Variants in PDE3A observed in about 807,000 individuals in gnomAD.
PDE3A encodes the protein cGMP-inhibited 3',5'-cyclic phosphodiesterase 3A.
In PDE3A, 43 loss-of-function variants were observed where a neutral mutation model predicts 98.3. The observed-to-expected ratio is 0.44, with a 90% CI of 0.34 to 0.56. The LOEUF (loss-of-function observed/expected upper bound fraction) is 0.56. Ranked by LOEUF, PDE3A falls within the 20% of genes least tolerant of loss-of-function variation. PDE3A has a pLI of 0.01. For synonymous variants in PDE3A, 663 were observed against 567.9 expected (o/e 1.17, Z -2.38); for missense variants, 1,427 against 1,440.7 (o/e 0.99, Z 0.15).
Position 20,385,983 on chromosome 12 carries a change from T to TA in PDE3A, c.960+15741dup, listed in dbSNP as rs1220440998. On this transcript the variant is annotated intron_variant, in intron 1 of 15. Coordinates refer to ENST00000359062, the MANE Select transcript of PDE3A (RefSeq NM_000921.5). ...ATTAATTATATTAATTATTAATATA[T>TA]AATATATATAAAATATATATATAAA... Among the ~76,000 whole-genome samples the TA allele has an allele frequency of 1.3e-3, 93 of 69,900 alleles. 6 individuals are homozygous for TA. In the East Asian group the frequency reaches 0.035, roughly 26 times the overall value. 45.9% of individuals were successfully genotyped at this position (69,900 alleles called of 152,430 possible). A position where few individuals can be genotyped will look rare whatever the true frequency, so the allele number is the denominator to read the frequency against.
chr12:20,554,803 T>G (rs1942324772), intron 1 of PDE3A, among the ~76,000 whole-genome samples: 1 of 152,080 alleles, frequency 6.6e-6, no homozygotes, highest in Admixed American at 6.5e-5. Context: ...GCCAGGCTGG[T>G]CATGAACTCC....
chr12:20,592,541 C>T (rs935717278), intron 2 of PDE3A, among the ~76,000 whole-genome samples: 1 of 152,188 alleles, frequency 6.6e-6, no homozygotes, highest in Admixed American at 6.5e-5. Flanking sequence ...AAGCCACTTT[C>T]TGTGAAGTGT....
intron 1 of PDE3A, among the ~76,000 whole-genome samples, chr12:20,527,363 AATGATAATG>A (rs1157744087): frequency 3.3e-5 from 5 of 152,180 alleles, no homozygotes; most frequent in African/African-American, 1.2e-4. Context: ...TCTTATAGTG[AATGATAATG>A]TTTGTACAAC....
intron 1 of PDE3A, among the ~76,000 whole-genome samples, chr12:20,462,015 A>G (rs1945259488): frequency 6.6e-6 from 1 of 152,176 alleles, no homozygotes; most frequent in Non-Finnish European, 1.5e-5. Flanking sequence ...TGCATGTCTC[A>G]CTTTGGGTGC....
At chr12:20,511,681 GTA>G (rs1035221324) in intron 1 of PDE3A, among the ~76,000 whole-genome samples, 1 of 152,078 alleles carries the variant, frequency 6.6e-6, no homozygotes, top group African/African-American at 2.4e-5. Context: ...CCTTAAGGAT[GTA>G]TAGTGTAACT....
intron 2 of PDE3A, among the ~76,000 whole-genome samples, chr12:20,561,761 C>T (rs1334702706): frequency 2.0e-5 from 3 of 152,082 alleles, no homozygotes; most frequent in Non-Finnish European, 4.4e-5. Flanking sequence ...TATGCATTAT[C>T]ACAGAATTTA....
intron 2 of PDE3A, among the ~76,000 whole-genome samples, chr12:20,603,699 A>G (rs1281328466): frequency 6.6e-6 from 1 of 151,330 alleles, no homozygotes; most frequent in Non-Finnish European, 1.5e-5. Context: ...AATCTTTCTC[A>G]ACAACAATGT....
intron 15 of PDE3A, among the ~76,000 whole-genome samples, chr12:20,660,648 G>T (rs968994049): frequency 2.7e-4 from 41 of 152,130 alleles, no homozygotes; most frequent in African/African-American, 9.7e-4. Flanking sequence ...AAGATCTAAT[G>T]GTTTTAAAAA....
chr12:20,448,373 G>A (rs948115347), intron 1 of PDE3A, among the ~76,000 whole-genome samples: 9 of 152,086 alleles, frequency 5.9e-5, no homozygotes, highest in African/African-American at 1.7e-4. Context: ...CCCGGGAGGC[G>A]GCAGTTGCTG....
intron 1 of PDE3A, among the ~76,000 whole-genome samples, chr12:20,376,242 T>A (rs1943569123): frequency 6.6e-6 from 1 of 151,998 alleles, no homozygotes; most frequent in East Asian, 1.9e-4. Context: ...TTAGTCTGAT[T>A]TTAGAGAGAA....
intron 2 of PDE3A, among the ~76,000 whole-genome samples, chr12:20,581,079 G>T (rs1457569251): frequency 6.6e-6 from 1 of 152,046 alleles, no homozygotes; most frequent in Non-Finnish European, 1.5e-5. Flanking sequence ...ACTAATTTGG[G>T]TTTGAGGAAA....
intron 10 of PDE3A, among the ~76,000 whole-genome samples, chr12:20,644,756 G>A (rs969665300): frequency 4.6e-5 from 7 of 151,604 alleles, no homozygotes; most frequent in East Asian, 1.9e-4. Flanking sequence ...TCATATTTAC[G>A]ATTGACACAG....
At chr12:20,406,522 C>G (rs1487095257) in intron 1 of PDE3A, among the ~76,000 whole-genome samples, 1 of 152,030 alleles carries the variant, frequency 6.6e-6, no homozygotes, top group African/African-American at 2.4e-5. Flanking sequence ...ATTTGTATGT[C>G]TTCTTTAAAA....
In PDE3A at chr12:20,674,449, T is replaced by C. The variant is rs547536222; in HGVS notation, c.3185-5581T>C. On this transcript the variant is annotated intron_variant, in intron 15 of 15. Transcript: ENST00000359062. ...GTGGTTTTATTATGTGTGGTGTTTATTATGTTGAGGCATGTTCCTTCCTAG... is the reference window on the plus strand; with the variant it reads ...GTGGTTTTATTATGTGTGGTGTTTACTATGTTGAGGCATGTTCCTTCCTAG... Among the ~76,000 whole-genome samples the C allele has an allele frequency of 3.9e-5, 6 of 152,300 alleles. No individual in the cohort carries two copies. The South Asian group carries it at 1.2e-3, about 32-fold the overall frequency.
chr12:20,587,497 G>A (rs1340949559), intron 2 of PDE3A, among the ~76,000 whole-genome samples: 1 of 151,978 alleles, frequency 6.6e-6, no homozygotes, highest in Non-Finnish European at 1.5e-5. Context: ...GTTTCTTCTA[G>A]AATTTTACTA....
chr12:20,450,050 A>G (rs971064163), intron 1 of PDE3A: 8 of 612,876 alleles, frequency 1.3e-5, no homozygotes, highest in Non-Finnish European at 1.2e-5. Flanking sequence ...CCACAATTGC[A>G]TATTTCTTCA....
chr12:20,611,908 A>AT (rs913346067), intron 2 of PDE3A, among the ~76,000 whole-genome samples: 4 of 151,806 alleles, frequency 2.6e-5, no homozygotes, highest in Admixed American at 2.6e-4. Context: ...TAAAAAAAAA[A>AT]ATTTATCTAC....
At chr12:20,624,200 G>A (rs1320225807) in intron 5 of PDE3A, among the ~76,000 whole-genome samples, 1 of 152,066 alleles carries the variant, frequency 6.6e-6, no homozygotes, top group East Asian at 1.9e-4. Flanking sequence ...ATGACAAATT[G>A]TCATAATTTA....
chr12:20,510,276 T>A (rs763216857), intron 1 of PDE3A, among the ~76,000 whole-genome samples: 4 of 152,088 alleles, frequency 2.6e-5, no homozygotes, highest in Non-Finnish European at 4.4e-5. Context: ...TACAAATTTG[T>A]CAGCCAGTTT....
Sources: gnomAD v4.1 joint callset for allele counts (sites outside exome capture counted in the v4.1 genomes callset) on GRCh38, gnomAD v4.1.1 for gene constraint, MANE v1.5 for transcripts, NCBI Gene and HGNC (gene_info 2026-07-23, HGNC 2026-07-21) for gene names.